The following BBS9 variants were observed in gnomAD, a reference collection of about 807,000 sequenced individuals.
BBS9 encodes the protein Bardet-Biedl syndrome 9.
A neutral mutation model predicts 117.7 loss-of-function variants in BBS9; 89 were observed. The observed-to-expected ratio is 0.76, with a 90% CI of 0.64 to 0.90. The LOEUF is 0.90. BBS9 is among the 40% of genes least tolerant of loss of function. The probability of loss-of-function intolerance (pLI) is 0.00; values close to 1 mark genes in which losing one functional copy is unlikely to be tolerated. For missense variants in BBS9, 982 were observed against 1,042.2 expected (o/e 0.94, Z 0.80); for synonymous variants, 379 against 370.9 (o/e 1.02, Z -0.25).
At chr7:33,524,957 C>T (rs1849245426) in intron 20 of BBS9, among the ~76,000 whole-genome samples, 1 of 152,162 alleles carries the variant, frequency 6.6e-6, no homozygotes, top group Non-Finnish European at 1.5e-5. Flanking sequence ...TGTCTTTGTT[C>T]TCATTGGTTT....
chr7:33,252,254 C>G (rs1041020656), intron 5 of BBS9, among the ~76,000 whole-genome samples: 1 of 152,180 alleles, frequency 6.6e-6, no homozygotes, highest in Non-Finnish European at 1.5e-5. Context: ...AATTACCTCC[C>G]TCCCTCCAGG....
intron 19 of BBS9, among the ~76,000 whole-genome samples, chr7:33,486,694 G>A (rs113928080): frequency 1.6e-3 from 242 of 152,228 alleles, no homozygotes; most frequent in African/African-American, 5.4e-3. Context: ...TCTTCTTCTT[G>A]TTAGTGTTGT....
chr7:33,612,035 A>G (rs1357905060), intron 21 of BBS9, among the ~76,000 whole-genome samples: 7 of 151,236 alleles, frequency 4.6e-5, no homozygotes, highest in African/African-American at 7.3e-5. Context: ...GGCTCATGTC[A>G]TCTCTCCCTT....
At chr7:33,170,125 C>G (rs1474699573) in intron 4 of BBS9, among the ~76,000 whole-genome samples, 1 of 151,518 alleles carries the variant, frequency 6.6e-6, no homozygotes, top group Non-Finnish European at 1.5e-5. Flanking sequence ...ATTCTGATAC[C>G]AAAGCCTGGA....
At chr7:33,218,797 A>G (rs1006984109) in intron 5 of BBS9, among the ~76,000 whole-genome samples, 1 of 152,244 alleles carries the variant, frequency 6.6e-6, no homozygotes, top group African/African-American at 2.4e-5. Flanking sequence ...AGGTTTTGAG[A>G]GGTGACAGCG....
chr7:33,363,544 T>C (rs1821034922), intron 16 of BBS9, among the ~76,000 whole-genome samples: 2 of 152,228 alleles, frequency 1.3e-5, no homozygotes, highest in Admixed American at 1.3e-4. Flanking sequence ...ACAGTTTTAC[T>C]TCTTCCATTC....
At chr7:33,286,371 A>G (rs1352216284) in intron 9 of BBS9, among the ~76,000 whole-genome samples, 2 of 152,124 alleles carry the variant, frequency 1.3e-5, no homozygotes, top group Non-Finnish European at 2.9e-5. Context: ...TTCACTAGTT[A>G]TGAAGGGTTT....
intron 19 of BBS9, among the ~76,000 whole-genome samples, chr7:33,413,989 A>C: frequency 6.6e-6 from 1 of 152,106 alleles, no homozygotes; most frequent in East Asian, 1.9e-4. Flanking sequence ...GCGCCATTGC[A>C]CTCCAGCCTG....
intron 9 of BBS9, chr7:33,314,604 G>C (rs966735512): frequency 3.2e-5 from 5 of 154,508 alleles, no homozygotes; most frequent in African/African-American, 1.2e-4. Flanking sequence ...GAGTGTTGTA[G>C]TGTGTTTGTA....
chr7:33,273,960 A>C lies in BBS9; in HGVS notation c.1016+4A>C. On this transcript the variant is annotated splice_donor_region_variant and intron_variant, in intron 9 of 22. Coordinates refer to ENST00000242067, the MANE Select transcript of BBS9 (RefSeq NM_198428.3). ...CAGTAAGAGTGGGCTGTTTGCAGTA[A>C]GTGATTTAATTTAACACAGTTTTTA... The C allele has an allele frequency of 6.2e-7, 1 of 1,613,686 alleles. No homozygotes were observed. The highest frequency in any genetic ancestry group is 8.5e-7 in the Non-Finnish European group (1 of 1,179,760).
intron 5 of BBS9, among the ~76,000 whole-genome samples, chr7:33,205,412 A>G (rs751652433): frequency 3.9e-5 from 6 of 152,252 alleles, no homozygotes; most frequent in Non-Finnish European, 8.8e-5. Context: ...ACCTATCAGT[A>G]TAAATCTAAA....
intron 20 of BBS9, among the ~76,000 whole-genome samples, chr7:33,511,804 G>A (rs1280394443): frequency 1.3e-5 from 2 of 152,204 alleles, no homozygotes; most frequent in Non-Finnish European, 2.9e-5. Flanking sequence ...TGTGTGGAGG[G>A]AATTATCAAA....
At chr7:33,414,208 T>C (rs1303699860) in intron 19 of BBS9, among the ~76,000 whole-genome samples, 1 of 152,090 alleles carries the variant, frequency 6.6e-6, no homozygotes, top group Non-Finnish European at 1.5e-5. Context: ...CCTACACATA[T>C]CTTCATTTTT....
chr7:33,624,049 T>A (rs904197471), intron 21 of BBS9, among the ~76,000 whole-genome samples: 2 of 151,994 alleles, frequency 1.3e-5, no homozygotes, highest in African/African-American at 4.8e-5. Flanking sequence ...CCATAAAAAA[T>A]TTAAAAACAG....
intron 17 of BBS9, chr7:33,380,608 G>A (rs1346872196): frequency 6.6e-6 from 1 of 152,248 alleles, no homozygotes; most frequent in Non-Finnish European, 1.5e-5. Flanking sequence ...CCTATAGTGA[G>A]GGTAACTGTG....
intron 21 of BBS9, among the ~76,000 whole-genome samples, chr7:33,555,618 A>G (rs1305001554): frequency 1.3e-5 from 2 of 152,172 alleles, no homozygotes; most frequent in Non-Finnish European, 2.9e-5. Context: ...AGGATTTGGT[A>G]GTTGATTGGA....
chr7:33,633,960 C>G (rs1866020904), intron 21 of BBS9, among the ~76,000 whole-genome samples: 1 of 152,196 alleles, frequency 6.6e-6, no homozygotes, highest in Non-Finnish European at 1.5e-5. Flanking sequence ...AATGCCATGG[C>G]CCTTCTCTTC....
intron 21 of BBS9, among the ~76,000 whole-genome samples, chr7:33,544,617 C>T (rs1852981013): frequency 6.6e-6 from 1 of 152,150 alleles, no homozygotes; most frequent in Non-Finnish European, 1.5e-5. Flanking sequence ...CAATGGACTC[C>T]ATAAAGGTCC....
At chr7:33,315,941 A>G (rs1231497581) in intron 9 of BBS9, among the ~76,000 whole-genome samples, 1 of 151,862 alleles carries the variant, frequency 6.6e-6, no homozygotes, top group East Asian at 1.9e-4. Context: ...ACTTCCATCT[A>G]CTCTTATTTT....
Sources: allele counts gnomAD v4.1 joint callset (sites outside exome capture counted in the v4.1 genomes callset), GRCh38; gene constraint gnomAD v4.1.1; transcripts MANE v1.5; gene names NCBI Gene and HGNC (gene_info 2026-07-23, HGNC 2026-07-21).